CHMP3: variants seen among roughly 807,000 people sequenced by gnomAD.
CHMP3 encodes the protein 25.1 protein.
In CHMP3, 8 loss-of-function variants were observed where a neutral mutation model predicts 27.4. The ratio of observed to expected loss-of-function variants is 0.29; its 90% CI spans 0.17 to 0.53. The LOEUF is 0.53. Among genes scored for constraint, CHMP3 ranks in the 20% least tolerant of loss-of-function variants. CHMP3 has a pLI of 0.96. For synonymous variants in CHMP3, 86 were observed against 85.5 expected, an observed-to-expected ratio of 1.01 and a Z score of -0.03; for missense variants, 208 against 271.5, an observed-to-expected ratio of 0.77 and a Z score of 1.64.
intron 3 of CHMP3, among the ~76,000 whole-genome samples, chr2:86,519,801 G>C (rs1029356834): frequency 1.3e-5 from 2 of 152,162 alleles, no homozygotes; most frequent in African/African-American, 4.8e-5. Context: ...ATCTGTAAAA[G>C]TTTTGGAGTG....
At chr2:86,535,418 C>T (rs1676088175) in intron 2 of CHMP3, among the ~76,000 whole-genome samples, 1 of 151,876 alleles carries the variant, frequency 6.6e-6, no homozygotes, top group Non-Finnish European at 1.5e-5. Flanking sequence ...TTTTTATTCC[C>T]TTCTTATTTC....
intron 1 of CHMP3, among the ~76,000 whole-genome samples, chr2:86,559,310 G>A (rs914310173): frequency 1.3e-5 from 2 of 152,170 alleles, no homozygotes; most frequent in African/African-American, 4.8e-5. Flanking sequence ...AACTCACTAG[G>A]TTCTCCGGCC....
intron 1 of CHMP3, among the ~76,000 whole-genome samples, chr2:86,558,710 G>A (rs769366756): frequency 6.6e-6 from 1 of 152,154 alleles, no homozygotes; most frequent in African/African-American, 2.4e-5. Context: ...AGAAGGAGCT[G>A]TCTTGTAAGT....
At chr2:86,542,216 A>T (rs1558656344) in intron 2 of CHMP3, 36 bp downstream of exon 2, 1 of 1,605,126 alleles carries the variant, frequency 6.2e-7, no homozygotes, top group Non-Finnish European at 8.5e-7. Context: ...ATATACCAAG[A>T]GGGTGAAAAA....
chr2:86,539,979 G>A (rs1676298888), intron 2 of CHMP3, among the ~76,000 whole-genome samples: 1 of 151,942 alleles, frequency 6.6e-6, no homozygotes, highest in Admixed American at 6.6e-5. Flanking sequence ...CTTAAGTCTA[G>A]GATAACATAG....
intron 1 of CHMP3, among the ~76,000 whole-genome samples, chr2:86,548,201 A>C (rs1225289047): frequency 1.3e-5 from 1 of 79,514 alleles, no homozygotes; most frequent in Non-Finnish European, 2.5e-5. Flanking sequence ...TTTTTTTTTT[A>C]GTATTTATTG....
At chr2:86,517,546 A>C (rs1675360807) in intron 3 of CHMP3, among the ~76,000 whole-genome samples, 1 of 145,452 alleles carries the variant, frequency 6.9e-6, no homozygotes, top group African/African-American at 2.5e-5. Flanking sequence ...AGCCTGGGAG[A>C]CAGAGCGAGA....
chr2:86,529,084 T>C (rs1324157368), intron 3 of CHMP3, 134 bp downstream of exon 3: 44 of 959,116 alleles, frequency 4.6e-5, no homozygotes, highest in Non-Finnish European at 6.2e-5. Flanking sequence ...TATTTTGCAT[T>C]TCTACAACAC....
chr2:86,506,567 A>G (rs1674895899), intron 5 of CHMP3, among the ~76,000 whole-genome samples: 1 of 151,630 alleles, frequency 6.6e-6, no homozygotes, highest in African/African-American at 2.4e-5. Flanking sequence ...AATATATAGT[A>G]TTCCATTAAA....
At chr2:86,511,106 A>G (rs1240228773) in intron 3 of CHMP3, 1 of 152,258 alleles carries the variant, frequency 6.6e-6, no homozygotes, top group Non-Finnish European at 1.5e-5. Flanking sequence ...AATGTCTTTA[A>G]CATGTCAAAG....
intron 3 of CHMP3, among the ~76,000 whole-genome samples, chr2:86,520,236 TG>T (rs1427354968): frequency 6.6e-6 from 1 of 152,178 alleles, no homozygotes; most frequent in Non-Finnish European, 1.5e-5. Context: ...GAGACTGGGT[TG>T]TTTATAAAGA....
chr2:86,554,923 T>G (rs960203776), intron 1 of CHMP3, among the ~76,000 whole-genome samples: 3 of 150,114 alleles, frequency 2.0e-5, no homozygotes, highest in Non-Finnish European at 4.4e-5. Flanking sequence ...CTCGGCTCAC[T>G]GCGACCTCTG....
intron 4 of CHMP3, 70 bp downstream of exon 4, chr2:86,510,288 C>A: frequency 2.0e-6 from 3 of 1,494,202 alleles, no homozygotes; most frequent in Non-Finnish European, 1.8e-6. Flanking sequence ...ACCCTCATCC[C>A]TAGCCCCCTG....
At chr2:86,542,405 C>T (rs1201477825) in intron 1 of CHMP3, 93 bp from the exon 2 acceptor site, 17 of 1,247,150 alleles carry the variant, frequency 1.4e-5, no homozygotes, top group Non-Finnish European at 1.9e-5. Context: ...ACATTTATTA[C>T]AGACACAAAA....
intron 2 of CHMP3, among the ~76,000 whole-genome samples, chr2:86,529,775 AAAGCCTGAACATATTAT>A (rs1462162700): frequency 1.3e-5 from 2 of 152,212 alleles, no homozygotes; most frequent in African/African-American, 4.8e-5. Flanking sequence ...CAACTTAAGG[AAAGCCTGAACATATTAT>A]AAGTCTCATA....
chr2:86,519,692 ATT>A (rs929508726), intron 3 of CHMP3, among the ~76,000 whole-genome samples: 149 of 152,314 alleles, frequency 9.8e-4, no homozygotes, highest in African/African-American at 3.4e-3. Context: ...AAGGCAGATG[ATT>A]TTCACTCCCT....
chr2:86,523,888 C>T (rs1675607883), intron 3 of CHMP3, among the ~76,000 whole-genome samples: 1 of 151,988 alleles, frequency 6.6e-6, no homozygotes, highest in African/African-American at 2.4e-5. Context: ...AAACTGAGAA[C>T]TTTCTTGAAA....
intron 3 of CHMP3, among the ~76,000 whole-genome samples, chr2:86,519,601 A>G (rs1407975306): frequency 6.6e-6 from 1 of 152,220 alleles, no homozygotes; most frequent in African/African-American, 2.4e-5. Flanking sequence ...ATATGAGTAT[A>G]ATGAAAATAA....
At chr2:86,529,125 C>A in intron 3 of CHMP3, 93 bp downstream of exon 3, 3 of 1,325,096 alleles carry the variant, frequency 2.3e-6, no homozygotes, top group South Asian at 1.9e-5. Flanking sequence ...AGAATAAAAA[C>A]CAGAGTTGAG....
Sources: gnomAD v4.1 joint callset for allele counts (sites outside exome capture counted in the v4.1 genomes callset) on GRCh38, gnomAD v4.1.1 for gene constraint, MANE v1.5 for transcripts, NCBI Gene and HGNC (gene_info 2026-07-23, HGNC 2026-07-21) for gene names.